PCDHGA10: variants seen among roughly 807,000 people sequenced by gnomAD.
PCDHGA10 encodes protocadherin gamma-A10.
Under a neutral mutation model 59.5 loss-of-function variants are expected in PCDHGA10, and 42 were observed. The observed-to-expected ratio is 0.71, with a 90% CI of 0.55 to 0.91. The LOEUF (loss-of-function observed/expected upper bound fraction) is 0.91, where lower values mean the gene tolerates loss of function less well. Ranked by LOEUF, PCDHGA10 falls within the 40% of genes least tolerant of loss-of-function variation. The pLI, the probability that PCDHGA10 is intolerant of heterozygous loss-of-function variation, is 0.00. For missense variants in PCDHGA10, 1,111 were observed against 1,198.2 expected (o/e 0.93, Z 1.07); for synonymous variants, 511 against 517.2 (o/e 0.99, Z 0.16).
chr5:141,491,876 A>G lies in PCDHGA10; in HGVS notation c.2437-2931A>G. ...TTGCGCGAAACCAGAGTGGCCGATT[A>G]AGGGATGGGGCTCCGAGCACCGGGG... On this transcript the variant is annotated intron_variant, in intron 1 of 3. Coordinates refer to ENST00000398610, the MANE Select transcript of PCDHGA10 (RefSeq NM_018913.3). The surrounding 1 kb of genome is among the most constrained non-coding windows in gnomAD (Gnocchi z 6.9). 2.1e-6 allele frequency: 3 copies of G among 1,450,326 alleles called. No individual in the cohort carries two copies. Among genetic ancestry groups the G allele is most frequent in the Non-Finnish European group, 1.8e-6 (2 of 1,097,472 alleles). 89.8% of individuals were successfully genotyped at this position (1,450,326 alleles called of 1,614,324 possible).
chr5:141,430,048 A>G (rs2097258677), intron 1 of PCDHGA10, among the ~76,000 whole-genome samples: 1 of 152,222 alleles, frequency 6.6e-6, no homozygotes, highest in African/African-American at 2.4e-5. Flanking sequence ...AATGTATACA[A>G]TCACATATCA....
At chr5:141,459,703 T>G (rs2098973426) in intron 1 of PCDHGA10, among the ~76,000 whole-genome samples, 1 of 152,226 alleles carries the variant, frequency 6.6e-6, no homozygotes, top group African/African-American at 2.4e-5. Context: ...CTTGCTACAT[T>G]TTCTCACCAA....
At position 141,491,794 on chromosome 5, in the gene PCDHGA10, TC is replaced by T; in HGVS notation, c.2437-3011del. On this transcript the variant is annotated intron_variant, in intron 1 of 3. Transcript: ENST00000398610. This position sits in a 1 kb window ranked among gnomAD's most constrained non-coding sequence, Gnocchi z 6.9. ...GGGATTGAACTTGCATCCACTCCTC[TC>T]CGGCCGGCTTGGTCGCTGGCTGCGC... is the stretch of plus-strand genomic sequence containing the variant. The T allele has an allele frequency of 6.6e-7, 1 of 1,511,056 alleles. No individual in the cohort carries two copies. The highest frequency in any genetic ancestry group is 8.8e-7 in the Non-Finnish European group (1 of 1,130,146). The allele number at this position is 1,511,056 out of a possible 1,614,324, so 93.6% of individuals were successfully genotyped here.
At chr5:141,426,581 CCT>C (rs898552856) in intron 1 of PCDHGA10, 1 of 358,350 alleles carries the variant, frequency 2.8e-6, no homozygotes, top group Non-Finnish European at 5.6e-6. Flanking sequence ...TCTTCAAAAT[CCT>C]CTGTGTCATA....
At chr5:141,500,182 ATT>A (rs1199992745) in intron 2 of PCDHGA10, among the ~76,000 whole-genome samples, 2 of 131,622 alleles carry the variant, frequency 1.5e-5, no homozygotes, top group African/African-American at 3.1e-5. Flanking sequence ...CTTCATTTTT[ATT>A]TTTATTTATT....
chr5:141,439,162 C>T (rs1422780686), intron 1 of PCDHGA10, among the ~76,000 whole-genome samples: 1 of 149,498 alleles, frequency 6.7e-6, no homozygotes, highest in Non-Finnish European at 1.5e-5. Flanking sequence ...CACTGCACTC[C>T]AGCCTGGGCG....
chr5:141,494,807 C>A lies in PCDHGA10; in HGVS notation c.2437C>A (p.Gln813Lys), dbSNP rs568448786. Residue 813 changes from glutamine to lysine, a missense_variant and splice_region_variant, in exon 2 of 4, where the codon CAA (glutamine) becomes AAA (lysine). Coordinates refer to ENST00000398610, the MANE Select transcript of PCDHGA10 (RefSeq NM_018913.3). ...CCCTTTCCCTCTGTTTTCTCCACAGCAAGCCCCGCCCAACACGGACTGGCG... is the reference window on the plus strand; with the variant it reads ...CCCTTTCCCTCTGTTTTCTCCACAGAAAGCCCCGCCCAACACGGACTGGCG... ...FPIEDTPLVP[Q>K]APPNTDWRFS... The A allele has an allele frequency of 2.5e-5, 40 of 1,614,144 alleles. No individual in the cohort carries two copies. The South Asian group carries it at 4.0e-4, about 16-fold the overall frequency.
rs530622003 is a variant in PCDHGA10, at chr5:141,437,077, T to G, written c.2436+21466T>G. ...TGATCATTATTTGGTTTGGGCCATA[T>G]AAGAATTGAAACTAACGGCTTAGCT... On this transcript the variant is annotated intron_variant, in intron 1 of 3. Transcript: ENST00000398610. Among the ~76,000 whole-genome samples, 107 of 152,372 alleles carry G rather than the reference T, an allele frequency of 7.0e-4. 1 individual carries two copies. The highest frequency in any genetic ancestry group is 6.4e-3 in the South Asian group (31 of 4,828).
At chr5:141,417,972 C>T (rs2154547391) in intron 1 of PCDHGA10, 2 of 1,613,830 alleles carry the variant, frequency 1.2e-6, no homozygotes, top group Admixed American at 1.7e-5. Flanking sequence ...TACTCGATTC[C>T]GGAGGAGCTG....
intron 1 of PCDHGA10, among the ~76,000 whole-genome samples, chr5:141,425,133 A>T (rs1311425564): frequency 6.6e-6 from 1 of 152,200 alleles, no homozygotes; most frequent in Non-Finnish European, 1.5e-5. Flanking sequence ...GTCAAGAAAA[A>T]TGTTCAGGTA....
intron 1 of PCDHGA10, among the ~76,000 whole-genome samples, chr5:141,453,393 A>G (rs2098764590): frequency 6.6e-6 from 1 of 152,018 alleles, no homozygotes; most frequent in Non-Finnish European, 1.5e-5. Flanking sequence ...CTTAGCCTCC[A>G]AGTGCTGGTA....
chr5:141,413,036 T>TGGGCTGCA lies in PCDHGA10; in HGVS notation c.-136_-129dup. 1.2e-6 allele frequency: 1 copy of TGGGCTGCA among 805,900 alleles called. No individual in the cohort carries two copies. The highest frequency in any genetic ancestry group is 1.9e-6 in the Non-Finnish European group (1 of 532,564). 49.9% of individuals were successfully genotyped at this position (805,900 alleles called of 1,614,324 possible). A position where few individuals can be genotyped will look rare whatever the true frequency, so the allele number is the denominator to read the frequency against. Reference sequence around the variant, plus strand: ...TACACAAGCCCCACAAACCGGCTGCTGGGCTGCAGGGAAGCTCACTCCAGA... The same window carrying TGGGCTGCA: ...TACACAAGCCCCACAAACCGGCTGCTGGGCTGCAGGGCTGCAGGGAAGCTCACTCCAGA... On this transcript the variant is annotated 5_prime_UTR_variant, in exon 1 of 4. Transcript: ENST00000398610.
chr5:141,475,928 G>A, intron 1 of PCDHGA10: 1 of 630,590 alleles, frequency 1.6e-6, no homozygotes, highest in Non-Finnish European at 2.7e-6. Context: ...TGGAGATCGG[G>A]CCCCTGCCCG....
chr5:141,491,567 C>T lies in PCDHGA10; in HGVS notation c.2437-3240C>T, dbSNP rs2099721325. On this transcript the variant is annotated intron_variant, in intron 1 of 3. Transcript: ENST00000398610. The surrounding 1 kb of genome is among the most constrained non-coding windows in gnomAD (Gnocchi z 6.9). ...GACTCGCAGAGCCACTGCTACAGGACGTGCTTTTCACCGGCCTCGGACGGC... is the reference window on the plus strand; with the variant it reads ...GACTCGCAGAGCCACTGCTACAGGATGTGCTTTTCACCGGCCTCGGACGGC... 1.9e-6 allele frequency: 3 copies of T among 1,614,004 alleles called. No individual in the cohort carries two copies. The highest frequency in any genetic ancestry group is 2.5e-6 in the Non-Finnish European group (3 of 1,180,034).
intron 1 of PCDHGA10, chr5:141,427,307 T>C (rs745903769): frequency 4.4e-6 from 2 of 456,906 alleles, no homozygotes; most frequent in South Asian, 1.5e-5. Flanking sequence ...AGAATGACAA[T>C]GCCCCAGACG....
rs191916514 is a variant in PCDHGA10, at chr5:141,456,716, G to A, written c.2437-38091G>A. 3.9e-3 allele frequency among the ~76,000 whole-genome samples: 589 copies of A among 152,314 alleles called. 5 individuals carry two copies. Among genetic ancestry groups the A allele is most frequent in the Admixed American group, 0.011 (169 of 15,300 alleles). On this transcript the variant is annotated intron_variant, in intron 1 of 3. Transcript: ENST00000398610. ...GTGGTGGCTCGCGCCTGTAATCCCA[G>A]CACTTTGGGAGGCTGAGGCGGGAGC...
intron 1 of PCDHGA10, 122 bp downstream of exon 1, chr5:141,415,733 T>C: frequency 7.1e-7 from 1 of 1,407,484 alleles, no homozygotes; most frequent in Non-Finnish European, 9.3e-7. Context: ...ATTTGATGTT[T>C]ATTAAGGTTT....
intron 1 of PCDHGA10, among the ~76,000 whole-genome samples, chr5:141,463,896 T>C (rs982611169): frequency 2.0e-5 from 3 of 152,192 alleles, no homozygotes; most frequent in African/African-American, 7.2e-5. Flanking sequence ...CCTTGCTTTT[T>C]GTACTAATAA....
intron 3 of PCDHGA10, 162 bp downstream of exon 3, chr5:141,505,643 T>C: frequency 1.0e-6 from 1 of 967,852 alleles, no homozygotes. Context: ...AAGCCTGGAA[T>C]TGTGGCTAAG....
Sources: gnomAD v4.1 joint callset for allele counts (sites outside exome capture counted in the v4.1 genomes callset) on GRCh38, gnomAD v4.1.1 for gene constraint, Gnocchi (gnomAD v3.1) non-coding constraint, MANE v1.5 for transcripts, NCBI Gene and HGNC (gene_info 2026-07-23, HGNC 2026-07-21) for gene names.